Variants in ANOS1 observed in about 807,000 individuals in gnomAD.
ANOS1 encodes anosmin-1.
In ANOS1, 6 loss-of-function variants were observed where a neutral mutation model predicts 59.0. That is an observed-to-expected ratio of 0.10 (90% CI 0.06 to 0.20). ANOS1 has a LOEUF of 0.20. Among genes scored for constraint, ANOS1 ranks in the 10% least tolerant of loss-of-function variants. The pLI, the probability that ANOS1 is intolerant of heterozygous loss-of-function variation, is 1.00. For missense variants in ANOS1, 433 were observed against 542.3 expected (o/e 0.80, Z 2.00); for synonymous variants, 217 against 223.4 (o/e 0.97, Z 0.25).
chrX:8,603,396 A>T (rs1345705530), intron 3 of ANOS1, among the ~76,000 whole-genome samples: 1 of 112,037 alleles, frequency 8.9e-6, no homozygotes, highest in Non-Finnish European at 1.9e-5. Flanking sequence ...AAGAGCTAAA[A>T]ACTAAAATGT....
chrX:8,687,425 AAAATAAATAAAT>A (rs772372495), intron 2 of ANOS1, among the ~76,000 whole-genome samples: 2 of 109,823 alleles, frequency 1.8e-5, no homozygotes, highest in African/African-American at 3.3e-5. Flanking sequence ...ACATTTGTCT[AAAATAAATAAAT>A]AAATAAATAA....
chrX:8,584,351 A>G (rs73199013), intron 6 of ANOS1, among the ~76,000 whole-genome samples: 7,104 of 111,088 alleles, frequency 0.064, 227 homozygotes, highest in Admixed American at 0.13. Context: ...TTACAATTTC[A>G]CTTTAAAGTT....
chrX:8,619,401 G>T (rs967149398), intron 3 of ANOS1, among the ~76,000 whole-genome samples: 137 of 111,211 alleles, frequency 1.2e-3, no homozygotes, highest in Non-Finnish European at 1.6e-3. Context: ...GTCAGGAGAT[G>T]GAGACCATCC....
intron 3 of ANOS1, among the ~76,000 whole-genome samples, chrX:8,623,200 C>T (rs1002272029): frequency 6.3e-5 from 7 of 110,933 alleles, no homozygotes; most frequent in East Asian, 5.7e-4. Flanking sequence ...GGAGGAACCC[C>T]GAGGGGAACA....
intron 8 of ANOS1, 80 bp from the exon 9 acceptor site, chrX:8,554,178 C>T: frequency 1.3e-6 from 1 of 756,402 alleles, no homozygotes; most frequent in Non-Finnish European, 2.0e-6. Context: ...ATAGGAACAG[C>T]TCCATTATGC....
intron 2 of ANOS1, among the ~76,000 whole-genome samples, chrX:8,644,016 G>A (rs944991078): frequency 1.8e-5 from 2 of 110,123 alleles, no homozygotes; most frequent in Non-Finnish European, 3.8e-5. Context: ...ATAAAACCAA[G>A]CTGTGCCCCG....
rs764153495 is a variant in ANOS1, at chrX:8,662,851, G to A, written c.255+36847C>T. 5.4e-5 allele frequency among the ~76,000 whole-genome samples: 6 copies of A among 110,919 alleles called. No individual in the cohort carries two copies. The East Asian group carries it at 1.1e-3, about 21-fold the overall frequency. ...AGTCTGGCCAACATGGTGAAACCCC[G>A]TCTCTACTAAAAAAATACAAAAATT... is the stretch of plus-strand genomic sequence containing the variant. On this transcript the variant is annotated intron_variant, in intron 2 of 13. Transcript: ENST00000262648.
chrX:8,713,674 G>A lies in ANOS1; in HGVS notation c.208-13929C>T, dbSNP rs111737483. ...GTCACCCAGGCTGGAGTGCAACGAC[G>A]CGATCTCAGCTCACTGCAACCTCCG... On this transcript the variant is annotated intron_variant, in intron 1 of 13. Coordinates refer to ENST00000262648, the MANE Select transcript of ANOS1 (RefSeq NM_000216.4). Among the ~76,000 whole-genome samples, 555 of 106,806 alleles carry A rather than the reference G, an allele frequency of 5.2e-3. 2 individuals are homozygous for A. Among genetic ancestry groups the A allele is most frequent in the African/African-American group, 0.018 (520 of 29,053 alleles). The allele number at this position is 106,806 out of a possible 115,157, so 92.7% of individuals were successfully genotyped here.
At chrX:8,615,259 A>G (rs1931147443) in intron 3 of ANOS1, among the ~76,000 whole-genome samples, 1 of 111,976 alleles carries the variant, frequency 8.9e-6, no homozygotes, top group Non-Finnish European at 1.9e-5. Context: ...AAAATTGTCT[A>G]TGTGGCTGAG....
intron 1 of ANOS1, among the ~76,000 whole-genome samples, chrX:8,724,820 A>T (rs936767873): frequency 8.9e-6 from 1 of 112,375 alleles, no homozygotes; most frequent in African/African-American, 3.2e-5. Flanking sequence ...AAATGTCATA[A>T]CTATTCATTT....
At chrX:8,679,778 C>A (rs778843684) in intron 2 of ANOS1, among the ~76,000 whole-genome samples, 1 of 111,432 alleles carries the variant, frequency 9.0e-6, no homozygotes, top group South Asian at 3.8e-4. Flanking sequence ...AGCTCTCACG[C>A]TGGGCGCGGT....
chrX:8,606,509 T>C (rs562346158), intron 3 of ANOS1, among the ~76,000 whole-genome samples: 1 of 112,431 alleles, frequency 8.9e-6, no homozygotes, highest in South Asian at 3.7e-4. Flanking sequence ...GAGTAACAAT[T>C]CCAACCACAT....
At chrX:8,695,042 T>G in intron 2 of ANOS1, among the ~76,000 whole-genome samples, 1 of 111,857 alleles carries the variant, frequency 8.9e-6, no homozygotes. Flanking sequence ...CCAGGCATGG[T>G]GACTCACGCC....
intron 12 of ANOS1, chrX:8,535,102 G>T: frequency 9.0e-6 from 1 of 111,218 alleles, no homozygotes; most frequent in Non-Finnish European, 1.8e-5. Context: ...TCCCACACAT[G>T]ATTTTTTTTT....
At chrX:8,715,943 C>T (rs746914354) in intron 1 of ANOS1, among the ~76,000 whole-genome samples, 15 of 110,258 alleles carry the variant, frequency 1.4e-4, no homozygotes, top group Non-Finnish European at 2.8e-4. Flanking sequence ...CCTAACTCAA[C>T]CTGATGACAG....
intron 1 of ANOS1, among the ~76,000 whole-genome samples, 184 bp from the exon 2 acceptor site, chrX:8,699,929 G>A (rs1465471807): frequency 8.9e-6 from 1 of 111,894 alleles, no homozygotes; most frequent in African/African-American, 3.2e-5. Flanking sequence ...GTTTCATTTT[G>A]TTGTCGATTT....
Position 8,680,628 on chromosome X carries a change from C to T in ANOS1, c.255+19070G>A, listed in dbSNP as rs1204795459. Among the ~76,000 whole-genome samples the T allele has an allele frequency of 2.7e-5, 3 of 111,273 alleles. No homozygotes were observed. The Admixed American group carries it at 2.9e-4, about 11-fold the overall frequency. On this transcript the variant is annotated intron_variant, in intron 2 of 13. Transcript: ENST00000262648. Reference sequence around the variant, plus strand: ...TTATACAACTTAAGTGACATGGAGGCACCTGCTCATTTCACCTTCCACACT... The same window carrying T: ...TTATACAACTTAAGTGACATGGAGGTACCTGCTCATTTCACCTTCCACACT...
intron 3 of ANOS1, among the ~76,000 whole-genome samples, chrX:8,622,153 A>T (rs1012131069): frequency 9.0e-6 from 1 of 111,217 alleles, no homozygotes; most frequent in Non-Finnish European, 1.9e-5. Context: ...TCAGTGAGGG[A>T]TCAAAAGAGG....
At chrX:8,676,016 T>C (rs1305226675) in intron 2 of ANOS1, among the ~76,000 whole-genome samples, 1 of 110,833 alleles carries the variant, frequency 9.0e-6, no homozygotes, top group East Asian at 2.8e-4. Context: ...GCTCCATTCA[T>C]GTCCCTGCAA....
Sources: gnomAD v4.1 joint callset for allele counts (sites outside exome capture counted in the v4.1 genomes callset) on GRCh38, gnomAD v4.1.1 for gene constraint, MANE v1.5 for transcripts, NCBI Gene and HGNC (gene_info 2026-07-23, HGNC 2026-07-21) for gene names.